The following ZSCAN9 variants were observed in gnomAD, a reference collection of about 807,000 sequenced individuals.
The protein encoded by ZSCAN9 is zinc finger and SCAN domain containing 9.
Under a neutral mutation model 23.0 loss-of-function variants are expected in ZSCAN9, and 19 were observed. The ratio of observed to expected loss-of-function variants is 0.83; its 90% CI spans 0.58 to 1.21. The LOEUF (loss-of-function observed/expected upper bound fraction) is 1.21, where lower values mean the gene tolerates loss of function less well. Among genes scored for constraint, ZSCAN9 ranks in the 50% most tolerant of loss-of-function variants. ZSCAN9 has a pLI of 0.00. For synonymous variants in ZSCAN9, 155 were observed against 164.8 expected (o/e 0.94, Z 0.46); for missense variants, 467 against 471.5 (o/e 0.99, Z 0.09).
chr6:28,225,527 A>G (rs1168074232), intron 1 of ZSCAN9, among the ~76,000 whole-genome samples, 161 bp downstream of exon 1: 1 of 152,160 alleles, frequency 6.6e-6, no homozygotes, highest in East Asian at 1.9e-4. Flanking sequence ...CAGAGTGGTC[A>G]TCCCCAGCTG....
intron 3 of ZSCAN9, 96 bp downstream of exon 3, chr6:28,227,933 A>G: frequency 7.2e-7 from 1 of 1,384,076 alleles, no homozygotes; most frequent in Non-Finnish European, 1.0e-6. Flanking sequence ...AGACCCAAAG[A>G]CTCCTTACCA....
chr6:28,227,613 G>C, intron 2 of ZSCAN9, 77 bp from the exon 3 acceptor site: 1 of 1,576,672 alleles, frequency 6.3e-7, no homozygotes, highest in Non-Finnish European at 8.6e-7. Context: ...CTCTCTTCCT[G>C]TTTCCTTCTT....
chr6:28,231,685 C>T lies in ZSCAN9; in HGVS notation c.569-877C>T, dbSNP rs138046380. 9.5e-3 allele frequency among the ~76,000 whole-genome samples: 1,400 copies of T among 146,980 alleles called. 20 individuals are homozygous for T. The highest frequency in any genetic ancestry group is 0.03 in the African/African-American group (1,179 of 39,544). ...AGGAGAATCGCTTGAATCCGGGAAG[C>T]GGAGATTACAGTGAGCCAAGGGGCA... On this transcript the variant is annotated intron_variant, in intron 3 of 3. Coordinates refer to ENST00000252207, the MANE Select transcript of ZSCAN9 (RefSeq NM_006299.5).
Position 28,227,028 on chromosome 6 carries a change from T to G in ZSCAN9, c.-57T>G. The G allele has an allele frequency of 6.6e-7, 1 of 1,525,436 alleles. No individual in the cohort carries two copies. The highest frequency in any genetic ancestry group is 8.8e-7 in the Non-Finnish European group (1 of 1,131,438). 94.5% of individuals were successfully genotyped at this position (1,525,436 alleles called of 1,614,324 possible). A position where few individuals can be genotyped will look rare whatever the true frequency, so the allele number is the denominator to read the frequency against. On this transcript the variant is annotated 5_prime_UTR_variant, in exon 2 of 4. Coordinates refer to ENST00000252207, the MANE Select transcript of ZSCAN9 (RefSeq NM_006299.5). Reference sequence around the variant, plus strand: ...ACTGCTTAGGCAAGCGCCTCCAAGGTTTGTCTTGAAGCATAGCTCCAGCTG... The same window carrying G: ...ACTGCTTAGGCAAGCGCCTCCAAGGGTTGTCTTGAAGCATAGCTCCAGCTG...
Position 28,230,007 on chromosome 6 carries a change from G to A in ZSCAN9, c.568+2170G>A, listed in dbSNP as rs183524155. On this transcript the variant is annotated intron_variant, in intron 3 of 3. Transcript: ENST00000252207. ...CAAGTAGCTGGGACTACAGGCACCC[G>A]CCACCATGCCCGGCTAATGTTTTGT... Among the ~76,000 whole-genome samples, 204 of 152,054 alleles carry A rather than the reference G, an allele frequency of 1.3e-3. 1 individual carries two copies. The highest frequency in any genetic ancestry group is 4.7e-3 in the African/African-American group (196 of 41,472).
At chr6:28,226,924 T>C in intron 1 of ZSCAN9, 88 bp from the exon 2 acceptor site, 2 of 606,784 alleles carry the variant, frequency 3.3e-6, no homozygotes, top group Non-Finnish European at 5.7e-6. Context: ...AGAAGAGCTT[T>C]AGGGCCTATG....
chr6:28,229,394 C>T (rs1027023013), intron 3 of ZSCAN9, among the ~76,000 whole-genome samples: 5 of 152,136 alleles, frequency 3.3e-5, no homozygotes, highest in Non-Finnish European at 4.4e-5. Context: ...CTGAGTATCC[C>T]CTTTTCCAAG....
chr6:28,232,562 A>G lies in ZSCAN9; in HGVS notation c.569A>G (p.Asp190Gly), dbSNP rs1304778424. ...TACCTAGCCTTTTTCTTTGTTTCAG[A>G]TGAAGTAACCAAGACTGAGGACAGA... is the stretch of plus-strand genomic sequence containing the variant. Reference protein sequence around the residue: ...AQKCHSIGETDEVTKTEDREL... With the variant: ...AQKCHSIGETGEVTKTEDREL... Residue 190 changes from aspartate (D) to glycine (G), a missense_variant and splice_region_variant, in exon 4 of 4, where the codon GAT (aspartate) becomes GGT (glycine). Transcript: ENST00000252207. 4.4e-6 allele frequency: 7 copies of G among 1,605,284 alleles called. No homozygotes were observed. The African/African-American group carries it at 8.0e-5, about 18-fold the overall frequency.
chr6:28,225,451 C>G (rs1206334333), intron 1 of ZSCAN9, 85 bp downstream of exon 1: 1 of 152,682 alleles, frequency 6.5e-6, no homozygotes. Context: ...ACCTCAGCCG[C>G]TGGGAAGTGG....
At chr6:28,229,796 A>G (rs1174614064) in intron 3 of ZSCAN9, among the ~76,000 whole-genome samples, 2 of 152,046 alleles carry the variant, frequency 1.3e-5, no homozygotes, top group Non-Finnish European at 2.9e-5. Context: ...ACTTTGCTGC[A>G]TATTTTGCAG....
At chr6:28,229,832 C>T (rs938282028) in intron 3 of ZSCAN9, among the ~76,000 whole-genome samples, 1 of 151,842 alleles carries the variant, frequency 6.6e-6, no homozygotes, top group African/African-American at 2.4e-5. Context: ...GTCTGCCTAC[C>T]CATATATATG....
intron 3 of ZSCAN9, 31 bp from the exon 4 acceptor site, chr6:28,232,531 G>C: frequency 6.3e-7 from 1 of 1,583,866 alleles, no homozygotes; most frequent in Non-Finnish European, 8.6e-7. Flanking sequence ...GGGAACAAGT[G>C]ACATTTACCT....
At chr6:28,225,531 C>T (rs1383107631) in intron 1 of ZSCAN9, among the ~76,000 whole-genome samples, 165 bp downstream of exon 1, 2 of 152,104 alleles carry the variant, frequency 1.3e-5, no homozygotes, top group African/African-American at 4.8e-5. Context: ...GTGGTCATCC[C>T]CAGCTGTGGG....
intron 3 of ZSCAN9, chr6:28,228,946 C>G (rs930274127): frequency 5.2e-5 from 8 of 152,736 alleles, no homozygotes; most frequent in African/African-American, 1.9e-4. Flanking sequence ...GGAATTGGCT[C>G]TAGCTTGTCT....
chr6:28,227,801 G>A lies in ZSCAN9; in HGVS notation c.532G>A (p.Asp178Asn). 6.2e-7 allele frequency: 1 copy of A among 1,613,552 alleles called. No homozygotes were observed. Among genetic ancestry groups the A allele is most frequent in the Non-Finnish European group, 8.5e-7 (1 of 1,179,852 alleles). ...SQPKEPQLTC[D>N]SAQKCHSIGE... ...GCCTAAGGAGCCACAGCTCACATGT[G>A]ACTCTGCTCAGAAGTGCCATTCTAT... The change falls in exon 3 of 4, where the codon GAC becomes AAC. Residue 178 changes from aspartate (D) to asparagine (N), a missense_variant. Transcript: ENST00000252207.
intron 3 of ZSCAN9, chr6:28,230,581 C>A: frequency 8.0e-7 from 1 of 1,253,094 alleles, no homozygotes; most frequent in Non-Finnish European, 1.1e-6. Flanking sequence ...GTCTGTTGTC[C>A]TCGGCCTTTT....
In ZSCAN9 at chr6:28,233,085, A is replaced by T. The variant is rs145892748; in HGVS notation, c.1092A>T (p.Arg364=). The T allele has an allele frequency of 1.6e-5, 26 of 1,614,008 alleles. No individual in the cohort carries two copies. The African/African-American group carries it at 3.1e-4, about 19-fold the overall frequency. ...IEHQRSHTGE[R]PHQCIECGKS... is the part of the protein sequence containing the mutation. Reference sequence around the variant, plus strand: ...ATCAGAGAAGCCACACAGGGGAGCGACCTCACCAGTGCATTGAATGTGGGA... The same window carrying T: ...ATCAGAGAAGCCACACAGGGGAGCGTCCTCACCAGTGCATTGAATGTGGGA... The change falls in exon 4 of 4, where the codon CGA becomes CGT. Residue 364 remains arginine, a synonymous_variant. Coordinates refer to ENST00000252207, the MANE Select transcript of ZSCAN9 (RefSeq NM_006299.5).
At chr6:28,232,246 G>A (rs1436351981) in intron 3 of ZSCAN9, among the ~76,000 whole-genome samples, 4 of 152,134 alleles carry the variant, frequency 2.6e-5, no homozygotes, top group Non-Finnish European at 4.4e-5. Context: ...CAGGAGAATC[G>A]CTTGAACCTG....
In ZSCAN9 at chr6:28,233,220, GT is replaced by G; in HGVS notation, c.*43del. 1.3e-6 allele frequency: 2 copies of G among 1,584,958 alleles called. No homozygotes were observed. The highest frequency in any genetic ancestry group is 1.7e-6 in the Non-Finnish European group (2 of 1,164,360). ...AGTTTTCCAGATCACCACCCAAGTTGTGTGGGGCAGGTTGAGACTAGAAAAT... is the reference window on the plus strand; with the variant it reads ...AGTTTTCCAGATCACCACCCAAGTTGGTGGGGCAGGTTGAGACTAGAAAAT... On this transcript the variant is annotated 3_prime_UTR_variant, in exon 4 of 4. Coordinates refer to ENST00000252207, the MANE Select transcript of ZSCAN9 (RefSeq NM_006299.5).
Sources: gnomAD v4.1 joint callset for allele counts (sites outside exome capture counted in the v4.1 genomes callset) on GRCh38, gnomAD v4.1.1 for gene constraint, MANE v1.5 for transcripts, NCBI Gene and HGNC (gene_info 2026-07-23, HGNC 2026-07-21) for gene names.